PIGN: variants seen among roughly 807,000 people sequenced by gnomAD.
PIGN encodes phosphatidylinositol glycan anchor biosynthesis class N.
PIGN carries 117 observed loss-of-function variants against 125.4 expected under a neutral mutation model. That is an observed-to-expected ratio of 0.93 (90% CI 0.80 to 1.09). The LOEUF (loss-of-function observed/expected upper bound fraction) is 1.09. Ranked by LOEUF, PIGN falls within the 50% of genes least tolerant of loss-of-function variation. The pLI is 0.00. For missense variants in PIGN, 1,075 were observed against 1,094.9 expected (o/e 0.98, Z 0.26); for synonymous variants, 392 against 377.8 (o/e 1.04, Z -0.44).
chr18:62,094,811 CA>C (rs1228669345), intron 23 of PIGN, among the ~76,000 whole-genome samples: 2 of 151,998 alleles, frequency 1.3e-5, no homozygotes, highest in African/African-American at 4.8e-5. Context: ...TCTGGTTAGG[CA>C]GGGGGAAGGG....
At position 62,145,002 on chromosome 18, in the gene PIGN, A is replaced by C. The variant is rs2036266375; in HGVS notation, c.922+907T>G. On this transcript the variant is annotated intron_variant, in intron 10 of 30. Transcript: ENST00000640252. ...CACGGCAAGAACCTGTCTCTAAGGA[A>C]ACTGGCGGGGGGGGGGGGGCAGGGT... Among the ~76,000 whole-genome samples the C allele has an allele frequency of 3.9e-4, 9 of 22,892 alleles. 1 individual carries two copies. The highest frequency in any genetic ancestry group is 3.2e-3 in the Admixed American group (7 of 2,178). 15.0% of individuals were successfully genotyped at this position (22,892 alleles called of 152,430 possible).
At chr18:62,114,765 G>T in intron 14 of PIGN, 126 bp from the exon 15 acceptor site, 2 of 488,802 alleles carry the variant, frequency 4.1e-6, no homozygotes, top group Non-Finnish European at 7.1e-6. Flanking sequence ...AAAAATCAAA[G>T]AAAAAAACCT....
chr18:62,148,480 C>A, intron 7 of PIGN, 142 bp from the exon 8 acceptor site: 1 of 491,256 alleles, frequency 2.0e-6, no homozygotes. Context: ...GACCTACCAA[C>A]ACAACGTCTT....
intron 14 of PIGN, chr18:62,136,800 C>T (rs2035950616): frequency 5.8e-6 from 2 of 347,644 alleles, no homozygotes; most frequent in Non-Finnish European, 5.1e-6. Flanking sequence ...ATGTGAACCT[C>T]AAAGATGCAA....
chr18:62,084,672 TA>T, intron 26 of PIGN, 66 bp from the exon 27 acceptor site: 8 of 997,200 alleles, frequency 8.0e-6, no homozygotes, highest in Non-Finnish European at 1.2e-5. Flanking sequence ...AATATTCTTC[TA>T]AAAAGATGTT....
At chr18:62,178,803 C>A (rs2037617174) in intron 1 of PIGN, among the ~76,000 whole-genome samples, 1 of 152,048 alleles carries the variant, frequency 6.6e-6, no homozygotes, top group Non-Finnish European at 1.5e-5. Flanking sequence ...CATATGAGAA[C>A]TAATTTTCAA....
intron 7 of PIGN, among the ~76,000 whole-genome samples, chr18:62,151,160 T>A (rs1486173606): frequency 6.6e-6 from 1 of 152,146 alleles, no homozygotes; most frequent in Non-Finnish European, 1.5e-5. Flanking sequence ...AAATTGAAAC[T>A]ATTGTAGGTC....
intron 30 of PIGN, among the ~76,000 whole-genome samples, chr18:62,056,202 T>G (rs757530505): frequency 6.6e-5 from 10 of 150,908 alleles, no homozygotes; most frequent in Non-Finnish European, 1.3e-4. Flanking sequence ...TCTACAAAAC[T>G]AAAGTAAAAC....
intron 23 of PIGN, among the ~76,000 whole-genome samples, chr18:62,031,225 T>C (rs146584464): frequency 2.5e-3 from 384 of 152,354 alleles, no homozygotes; most frequent in African/African-American, 8.8e-3. Flanking sequence ...CCTGCTGCCA[T>C]GTAAGACATG....
intron 1 of PIGN, among the ~76,000 whole-genome samples, chr18:62,169,497 T>A (rs1440464304): frequency 3.3e-5 from 5 of 152,296 alleles, no homozygotes; most frequent in Middle Eastern, 3.4e-3. Context: ...ACTCCTGGGC[T>A]CAAGCAATCC....
At chr18:62,065,900 T>C (rs1392816732) in intron 30 of PIGN, among the ~76,000 whole-genome samples, 1 of 152,136 alleles carries the variant, frequency 6.6e-6, no homozygotes, top group South Asian at 2.1e-4. Context: ...GGCATCAAGG[T>C]AAGCAAAGGG....
intron 30 of PIGN, among the ~76,000 whole-genome samples, chr18:62,054,739 G>T (rs1440927421): frequency 6.6e-6 from 1 of 151,854 alleles, no homozygotes; most frequent in Non-Finnish European, 1.5e-5. Context: ...CAATCTGCCC[G>T]CTTTGGCCCT....
intron 14 of PIGN, among the ~76,000 whole-genome samples, chr18:62,120,574 T>C (rs1046183930): frequency 1.3e-5 from 2 of 152,010 alleles, no homozygotes; most frequent in African/African-American, 4.8e-5. Flanking sequence ...ATAATTAAAA[T>C]ATATAACAAT....
At chr18:62,122,097 T>C (rs2035330924) in intron 14 of PIGN, among the ~76,000 whole-genome samples, 1 of 152,186 alleles carries the variant, frequency 6.6e-6, no homozygotes, top group African/African-American at 2.4e-5. Flanking sequence ...TAACACAGTT[T>C]GATAGAAGAA....
At chr18:62,155,569 C>CA (rs1052717719) in intron 6 of PIGN, among the ~76,000 whole-genome samples, 1 of 151,564 alleles carries the variant, frequency 6.6e-6, no homozygotes, top group Non-Finnish European at 1.5e-5. Flanking sequence ...AACTCCGTCT[C>CA]AAAAAAACAA....
At chr18:62,145,008 C>T (rs548307728) in intron 10 of PIGN, among the ~76,000 whole-genome samples, 1 of 142,048 alleles carries the variant, frequency 7.0e-6, no homozygotes, top group Non-Finnish European at 1.6e-5. Flanking sequence ...AGGAAACTGG[C>T]GGGGGGGGGG....
chr18:62,036,955 G>C (rs1462996447), downstream of PIGN, among the ~76,000 whole-genome samples: 1 of 152,128 alleles, frequency 6.6e-6, no homozygotes, highest in African/African-American at 2.4e-5. Flanking sequence ...TACAACACAA[G>C]CTCTTCAAGG....
At position 62,114,641 on chromosome 18, in the gene PIGN, T is replaced by C; in HGVS notation, c.1173-2A>G. The C allele has an allele frequency of 7.1e-7, 1 of 1,410,622 alleles. No individual in the cohort carries two copies. Among genetic ancestry groups the C allele is most frequent in the Non-Finnish European group, 9.7e-7 (1 of 1,029,578 alleles). The allele number at this position is 1,410,622 out of a possible 1,614,324, so 87.4% of individuals were successfully genotyped here. ...AACTGTTTGGAATCAGAAAGCAGTC[T>C]ATATATAAAAAAAAGAATAGGTTTA... On this transcript the variant is annotated splice_acceptor_variant, in intron 14 of 30. Transcript: ENST00000640252. LOFTEE classifies it high-confidence loss of function.
chr18:62,121,024 A>G (rs1667877433), intron 14 of PIGN, among the ~76,000 whole-genome samples: 1 of 152,216 alleles, frequency 6.6e-6, no homozygotes, highest in South Asian at 2.1e-4. Context: ...CATAACACAC[A>G]AATATAAACA....
Sources: gnomAD v4.1 joint callset for allele counts (sites outside exome capture counted in the v4.1 genomes callset) on GRCh38, gnomAD v4.1.1 for gene constraint, MANE v1.5 for transcripts, NCBI Gene and HGNC (gene_info 2026-07-23, HGNC 2026-07-21) for gene names.